The following RANBP3L variants were observed in gnomAD, a reference collection of about 807,000 sequenced individuals.
RANBP3L encodes the protein RAN binding protein 3 like.
In RANBP3L, 56 loss-of-function variants were observed where a neutral mutation model predicts 67.2. That is an observed-to-expected ratio of 0.83 (90% CI 0.67 to 1.04). RANBP3L has a LOEUF of 1.04. RANBP3L is among the 50% of genes least tolerant of loss of function. The pLI is 0.00. For missense variants in RANBP3L, 496 were observed against 535.5 expected (o/e 0.93, Z 0.73); for synonymous variants, 164 against 181.4 (o/e 0.90, Z 0.77).
chr5:36,280,303 T>C (rs1750883530), intron 1 of RANBP3L, among the ~76,000 whole-genome samples: 1 of 152,178 alleles, frequency 6.6e-6, no homozygotes, highest in Non-Finnish European at 1.5e-5. Flanking sequence ...AACTCTTGGG[T>C]TGAAGGCACT....
intron 4 of RANBP3L, among the ~76,000 whole-genome samples, chr5:36,269,165 A>G (rs78580295): frequency 0.034 from 5,221 of 152,334 alleles, 143 homozygotes; most frequent in Middle Eastern, 0.075. Flanking sequence ...CACTGCTATC[A>G]TTGTGGCTTA....
chr5:36,256,091 T>G (rs1293853141), intron 10 of RANBP3L, among the ~76,000 whole-genome samples: 1 of 152,086 alleles, frequency 6.6e-6, no homozygotes, highest in Non-Finnish European at 1.5e-5. Context: ...TGCTTCAATA[T>G]TTTTAAAGAG....
intron 1 of RANBP3L, among the ~76,000 whole-genome samples, chr5:36,283,169 T>A (rs1751088880): frequency 6.6e-6 from 1 of 152,084 alleles, no homozygotes; most frequent in Non-Finnish European, 1.5e-5. Flanking sequence ...GTAATTCTCG[T>A]GCCTCAGCCT....
At chr5:36,253,442 T>C (rs1446159044) in intron 12 of RANBP3L, among the ~76,000 whole-genome samples, 1 of 152,130 alleles carries the variant, frequency 6.6e-6, no homozygotes, top group East Asian at 1.9e-4. Context: ...TGTCTTGGAA[T>C]GAGTACCAAT....
In RANBP3L at chr5:36,292,646, A is replaced by G. The variant is rs113087139; in HGVS notation, c.91+8680T>C. Reference sequence around the variant, plus strand: ...CTAGCCAGTTTTCCCAGCACCATTTATTAAATAGGGAATCCTTTCCCCATT... The same window carrying G: ...CTAGCCAGTTTTCCCAGCACCATTTGTTAAATAGGGAATCCTTTCCCCATT... On this transcript the variant is annotated intron_variant, in intron 1 of 13. Coordinates refer to ENST00000296604, the MANE Select transcript of RANBP3L (RefSeq NM_145000.5). Among the ~76,000 whole-genome samples the G allele has an allele frequency of 4.0e-5, 6 of 151,890 alleles. 2 individuals are homozygous for G. The South Asian group carries it at 8.3e-4, about 21-fold the overall frequency.
chr5:36,253,821 A>T lies in RANBP3L; in HGVS notation c.1025-32T>A. ...TAGGAAGGTGACTACATCAGGCCAC[A>T]GAACAGTTGACACGGAGGAATTTAC... On this transcript the variant is annotated intron_variant, in intron 11 of 13. Coordinates refer to ENST00000296604, the MANE Select transcript of RANBP3L (RefSeq NM_145000.5). 3 of 1,604,938 alleles carry T rather than the reference A, an allele frequency of 1.9e-6. No homozygotes were observed. In the Admixed American group the frequency reaches 5.1e-5, roughly 28 times the overall value.
intron 1 of RANBP3L, among the ~76,000 whole-genome samples, chr5:36,282,380 A>G (rs969579504): frequency 1.3e-5 from 2 of 152,220 alleles, no homozygotes; most frequent in Non-Finnish European, 1.5e-5. Context: ...ACAAAATATC[A>G]TATCAGTAAG....
At chr5:36,283,539 TAC>T (rs3086448) in intron 1 of RANBP3L, among the ~76,000 whole-genome samples, 2,397 of 144,534 alleles carry the variant, frequency 0.017, 28 homozygotes, top group African/African-American at 0.036. Flanking sequence ...TATATAAAAA[TAC>T]ACACACACAC....
intron 1 of RANBP3L, among the ~76,000 whole-genome samples, chr5:36,297,930 T>A (rs891688866): frequency 2.6e-5 from 4 of 152,128 alleles, no homozygotes; most frequent in Non-Finnish European, 5.9e-5. Context: ...TGTAATCACT[T>A]CAAAATTACA....
intron 1 of RANBP3L, among the ~76,000 whole-genome samples, chr5:36,290,245 C>A (rs1406258075): frequency 2.1e-5 from 3 of 142,922 alleles, no homozygotes; most frequent in Non-Finnish European, 3.0e-5. Context: ...TTTCTTAGAG[C>A]CTCACTCCAT....
intron 6 of RANBP3L, 94 bp downstream of exon 6, chr5:36,264,865 G>T: frequency 9.0e-7 from 1 of 1,112,314 alleles, no homozygotes; most frequent in South Asian, 1.5e-5. Context: ...ACAAAGCTCA[G>T]ACAACTCCTA....
At chr5:36,276,184 A>C (rs1462387005) in intron 1 of RANBP3L, among the ~76,000 whole-genome samples, 2 of 152,182 alleles carry the variant, frequency 1.3e-5, no homozygotes, top group African/African-American at 4.8e-5. Flanking sequence ...ACTTCCCCAG[A>C]ATAACTGAAG....
intron 1 of RANBP3L, among the ~76,000 whole-genome samples, chr5:36,285,685 A>G (rs1424231871): frequency 6.6e-6 from 1 of 152,214 alleles, no homozygotes; most frequent in Non-Finnish European, 1.5e-5. Flanking sequence ...CTATTGACCT[A>G]GTGGGGAATT....
In RANBP3L at chr5:36,255,525, C is replaced by A. The variant is rs200201901; in HGVS notation, c.969G>T (p.Thr323=). 1.1e-5 allele frequency: 17 copies of A among 1,611,846 alleles called. No homozygotes were observed. The change falls in exon 11 of 14, where the codon ACG becomes ACT. Residue 323 remains threonine (T), a synonymous_variant. Transcript: ENST00000296604. ...TQSWIERGRG[T]LRLNDTASTD... is the part of the protein sequence containing the mutation. ...TGCTTGCTGTGTCATTCAGTCTCAA[C>A]GTTCCTCTGCCCCTTTCAATCCAGG...
At chr5:36,251,271 T>C (rs1748570427) in intron 13 of RANBP3L, 42 bp downstream of exon 13, 5 of 1,532,176 alleles carry the variant, frequency 3.3e-6, no homozygotes, top group Middle Eastern at 1.8e-4. Context: ...GCTTAAGAAT[T>C]CTTTTTTAAA....
At chr5:36,265,716 T>C (rs959467805) in intron 4 of RANBP3L, among the ~76,000 whole-genome samples, 196 bp from the exon 5 acceptor site, 2 of 152,070 alleles carry the variant, frequency 1.3e-5, no homozygotes, top group African/African-American at 2.4e-5. Context: ...CTCGCGCCTG[T>C]AATCCTAGCA....
intron 13 of RANBP3L, 91 bp from the exon 14 acceptor site, chr5:36,249,788 A>G: frequency 1.8e-6 from 1 of 543,172 alleles, no homozygotes; most frequent in Non-Finnish European, 3.2e-6. Context: ...AATATTAATG[A>G]ATATACTCAT....
intron 1 of RANBP3L, among the ~76,000 whole-genome samples, chr5:36,278,638 G>A (rs1307072489): frequency 6.6e-6 from 1 of 152,104 alleles, no homozygotes; most frequent in African/African-American, 2.4e-5. Context: ...CACAATTAAT[G>A]TGAAAATAAT....
intron 1 of RANBP3L, among the ~76,000 whole-genome samples, chr5:36,294,518 T>C (rs112247796): frequency 0.18 from 26,739 of 152,004 alleles, 2,542 homozygotes; most frequent in South Asian, 0.32. Context: ...GGATCTTTCC[T>C]GCTTTCTCTT....
Sources: allele counts gnomAD v4.1 joint callset (sites outside exome capture counted in the v4.1 genomes callset), GRCh38; gene constraint gnomAD v4.1.1; transcripts MANE v1.5; gene names NCBI Gene and HGNC (gene_info 2026-07-23, HGNC 2026-07-21).